CHM: variants seen among roughly 807,000 people sequenced by gnomAD.
The protein encoded by CHM is CHM Rab escort protein.
Under a neutral mutation model 49.0 loss-of-function variants are expected in CHM, and 10 were observed. The ratio of observed to expected loss-of-function variants is 0.20; its 90% CI spans 0.13 to 0.35. CHM has a LOEUF of 0.35. CHM is among the 10% of genes least tolerant of loss of function. The pLI, the probability that CHM is intolerant of heterozygous loss-of-function variation, is 1.00. For missense variants in CHM, 455 were observed against 478.4 expected, an observed-to-expected ratio of 0.95 and a Z score of 0.46; for synonymous variants, 184 against 167.5, an observed-to-expected ratio of 1.10 and a Z score of -0.76.
intron 11 of CHM, among the ~76,000 whole-genome samples, chrX:85,895,786 GAGAT>G (rs1411514821): frequency 9.0e-6 from 1 of 111,675 alleles, no homozygotes; most frequent in African/African-American, 3.3e-5. Context: ...TGGCATTAAA[GAGAT>G]AGAAGCCACT....
intron 9 of CHM, among the ~76,000 whole-genome samples, chrX:85,910,509 A>AT (rs770904295): frequency 5.2e-4 from 58 of 111,758 alleles, no homozygotes; most frequent in African/African-American, 1.6e-3. Context: ...ATCAAAGAAT[A>AT]TTTTATCCAG....
chrX:86,006,138 T>A (rs1411246175), intron 2 of CHM, among the ~76,000 whole-genome samples: 2 of 111,859 alleles, frequency 1.8e-5, no homozygotes, highest in African/African-American at 6.5e-5. Flanking sequence ...TAATCCAGCA[T>A]ATAAACAGGA....
At chrX:86,007,723 G>A (rs1932894777) in intron 2 of CHM, among the ~76,000 whole-genome samples, 1 of 112,371 alleles carries the variant, frequency 8.9e-6, no homozygotes, top group South Asian at 3.7e-4. Flanking sequence ...ACTCATACCA[G>A]TTAGAATGGC....
intron 2 of CHM, among the ~76,000 whole-genome samples, chrX:85,996,313 A>C (rs969309441): frequency 5.4e-5 from 6 of 111,855 alleles, no homozygotes; most frequent in Non-Finnish European, 9.4e-5. Context: ...TAAATTTCTC[A>C]CCCAATTCTA....
chrX:85,953,129 C>T (rs1224404986), intron 8 of CHM, among the ~76,000 whole-genome samples: 2 of 112,200 alleles, frequency 1.8e-5, no homozygotes, highest in Non-Finnish European at 3.8e-5. Flanking sequence ...TATGTCAACA[C>T]TGAAGAATCC....
At chrX:85,960,284 C>T (rs531409638) in intron 5 of CHM, among the ~76,000 whole-genome samples, 2 of 111,238 alleles carry the variant, frequency 1.8e-5, no homozygotes, top group East Asian at 2.8e-4. Context: ...ATCCAATAAA[C>T]CTTAAGGTTT....
At chrX:85,987,933 C>A (rs764980529) in intron 2 of CHM, among the ~76,000 whole-genome samples, 8 of 111,656 alleles carry the variant, frequency 7.2e-5, no homozygotes, top group Non-Finnish European at 1.3e-4. Context: ...ACCAGATGCA[C>A]AAAAGAAGAG....
At chrX:85,977,901 CAT>C (rs1457871317) in intron 4 of CHM, among the ~76,000 whole-genome samples, 2 of 112,012 alleles carry the variant, frequency 1.8e-5, no homozygotes, top group African/African-American at 6.5e-5. Context: ...AAGTCAAGCA[CAT>C]GTTACCAAAC....
chrX:85,923,879 G>A (rs1345976476), intron 8 of CHM, among the ~76,000 whole-genome samples: 1 of 110,697 alleles, frequency 9.0e-6, no homozygotes, highest in Non-Finnish European at 1.9e-5. Context: ...AAGGGTGGAA[G>A]AACATTCCAA....
chrX:85,959,108 A>G, intron 5 of CHM, 131 bp from the exon 6 acceptor site: 2 of 827,965 alleles, frequency 2.4e-6, no homozygotes, highest in Non-Finnish European at 3.4e-6. Flanking sequence ...ATTATAATAC[A>G]TAACACAATC....
chrX:86,006,162 C>A (rs966963083), intron 2 of CHM, among the ~76,000 whole-genome samples: 1 of 111,761 alleles, frequency 8.9e-6, no homozygotes, highest in African/African-American at 3.3e-5. Context: ...ACGACAAAAA[C>A]CACATGATTA....
chrX:85,966,646 A>G (rs866305423), intron 4 of CHM, among the ~76,000 whole-genome samples: 1 of 112,354 alleles, frequency 8.9e-6, no homozygotes, highest in African/African-American at 3.2e-5. Flanking sequence ...ATTTTCAGCA[A>G]AAGTTCCACA....
intron 8 of CHM, among the ~76,000 whole-genome samples, chrX:85,949,637 T>C (rs1484449762): frequency 9.0e-6 from 1 of 110,773 alleles, no homozygotes; most frequent in Non-Finnish European, 1.9e-5. Context: ...TATTCCTACT[T>C]TGACAAGTAA....
At chrX:85,885,146 G>A (rs975556155) in intron 12 of CHM, among the ~76,000 whole-genome samples, 8 of 110,257 alleles carry the variant, frequency 7.3e-5, no homozygotes, top group African/African-American at 2.6e-4. Flanking sequence ...GATAAAATGA[G>A]TATCAGAATT....
At chrX:85,978,937 G>A (rs750838020) in intron 3 of CHM, 46 bp from the exon 4 acceptor site, 2 of 1,165,069 alleles carry the variant, frequency 1.7e-6, no homozygotes, top group East Asian at 6.3e-5. Flanking sequence ...TGGGCAGTGT[G>A]AAACATGCAA....
Position 85,956,384 on chromosome X carries a change from A to G in CHM, c.941-6T>C. On this transcript the variant is annotated splice_polypyrimidine_tract_variant and splice_region_variant and intron_variant, in intron 7 of 14. Transcript: ENST00000357749. ...AAATGTGATCTCTTCATATCCTATGAAAAGATGAAATTTTATCACTTAAAA... is the reference window on the plus strand; with the variant it reads ...AAATGTGATCTCTTCATATCCTATGGAAAGATGAAATTTTATCACTTAAAA... 8.3e-7 allele frequency: 1 copy of G among 1,203,382 alleles called. No homozygotes were observed. Among genetic ancestry groups the G allele is most frequent in the Non-Finnish European group, 1.1e-6 (1 of 890,508 alleles).
In CHM at chrX:85,978,751, T is replaced by G. The variant is rs1351963388; in HGVS notation, c.314+16A>C. ...AGTCATTAATTTAGTTTACCTGCAGTAAATACTTTTCATACCTGGCATAAC... is the reference window on the plus strand; with the variant it reads ...AGTCATTAATTTAGTTTACCTGCAGGAAATACTTTTCATACCTGGCATAAC... On this transcript the variant is annotated intron_variant, in intron 4 of 14. Coordinates refer to ENST00000357749, the MANE Select transcript of CHM (RefSeq NM_000390.4). 1 of 1,194,249 alleles carries G rather than the reference T, an allele frequency of 8.4e-7. No individual in the cohort carries two copies. Among genetic ancestry groups the G allele is most frequent in the Admixed American group, 2.2e-5 (1 of 45,583 alleles).
intron 8 of CHM, among the ~76,000 whole-genome samples, chrX:85,916,817 GAA>G (rs770601399): frequency 1.1e-3 from 126 of 112,392 alleles, no homozygotes; most frequent in Non-Finnish European, 2.4e-4. Flanking sequence ...AGGTTGTGGT[GAA>G]AAAGGAATGC....
At chrX:85,927,919 C>T (rs770886349) in intron 8 of CHM, among the ~76,000 whole-genome samples, 1 of 112,169 alleles carries the variant, frequency 8.9e-6, no homozygotes, top group South Asian at 3.7e-4. Flanking sequence ...CCACTAATAG[C>T]CGAACTTTTG....
Sources: allele counts gnomAD v4.1 joint callset (sites outside exome capture counted in the v4.1 genomes callset), GRCh38; gene constraint gnomAD v4.1.1; transcripts MANE v1.5; gene names NCBI Gene and HGNC (gene_info 2026-07-23, HGNC 2026-07-21).